Variants in COL23A1 observed in about 807,000 individuals in gnomAD.
COL23A1 encodes collagen type XXIII alpha 1 chain.
In COL23A1, 97 loss-of-function variants were observed where a neutral mutation model predicts 99.3. The observed-to-expected ratio is 0.98, with a 90% CI of 0.83 to 1.16. COL23A1 has a LOEUF of 1.16. Ranked by LOEUF, COL23A1 falls within the 50% of genes most tolerant of loss-of-function variation. The pLI is 0.00. For synonymous variants in COL23A1, 320 were observed against 308.2 expected, an observed-to-expected ratio of 1.04 and a Z score of -0.40; for missense variants, 762 against 757.4, an observed-to-expected ratio of 1.01 and a Z score of -0.07.
chr5:178,238,431 C>T lies in COL23A1; in HGVS notation c.*267G>A, dbSNP rs182297389. On this transcript the variant is annotated 3_prime_UTR_variant, in exon 29 of 29. Coordinates refer to ENST00000390654, the MANE Select transcript of COL23A1 (RefSeq NM_173465.4). The stretch of plus-strand genomic sequence containing the variant: ...AACGTAGCATCTTTCTAGCCTTGCC[C>T]GAGCCAGGTGCTTCTACCTTCATCT... The T allele has an allele frequency of 1.1e-4, 58 of 528,772 alleles. No homozygotes were observed. Among genetic ancestry groups the T allele is most frequent in the Admixed American group, 3.2e-4 (10 of 31,028 alleles). The allele number at this position is 528,772 out of a possible 1,614,324, so 32.8% of individuals were successfully genotyped here.
chr5:178,311,452 T>A lies in COL23A1; in HGVS notation c.362-4533A>T, dbSNP rs113892028. ...TGCAGGGGCCTCTGGGCCATCACAATGCGGGGCTTTAATGTAAGTGGGTTC... is the reference window on the plus strand; with the variant it reads ...TGCAGGGGCCTCTGGGCCATCACAAAGCGGGGCTTTAATGTAAGTGGGTTC... On this transcript the variant is annotated intron_variant, in intron 2 of 28. Transcript: ENST00000390654. Among the ~76,000 whole-genome samples, 169 of 152,002 alleles carry A rather than the reference T, an allele frequency of 1.1e-3. 1 individual carries two copies. The highest frequency in any genetic ancestry group is 3.8e-3 in the African/African-American group (158 of 41,392).
rs562877997 is a variant in COL23A1 at position 178,384,607 on chromosome 5, C to T, written c.362-77688G>A. On this transcript the variant is annotated intron_variant, in intron 2 of 28. Transcript: ENST00000390654. This position sits in a 1 kb window ranked among gnomAD's most constrained non-coding sequence, Gnocchi z 5.5. ...GATTCTGCTCCTGCCTCAGAGATCACGGTTTGACATGGGAAACCAAGGCTC... is the reference window on the plus strand; with the variant it reads ...GATTCTGCTCCTGCCTCAGAGATCATGGTTTGACATGGGAAACCAAGGCTC... Among the ~76,000 whole-genome samples, 33 of 152,294 alleles carry T rather than the reference C, an allele frequency of 2.2e-4. No homozygotes were observed. The highest frequency in any genetic ancestry group is 7.2e-4 in the African/African-American group (30 of 41,570).
rs563613105 is a variant in COL23A1 at position 178,553,107 on chromosome 5, T to C, written c.361+7575A>G. On this transcript the variant is annotated intron_variant, in intron 2 of 28. Transcript: ENST00000390654. ...ATCACTTGAGCTCAGGAGTTCAAGG[T>C]TGCAGTGAACCGTGACTGCACCACT... 8.6e-5 allele frequency among the ~76,000 whole-genome samples: 13 copies of C among 150,686 alleles called. 1 individual carries two copies. The South Asian group carries it at 2.7e-3, about 32-fold the overall frequency.
At chr5:178,261,199 G>C (rs1227940947) in intron 11 of COL23A1, among the ~76,000 whole-genome samples, 6 of 152,148 alleles carry the variant, frequency 3.9e-5, no homozygotes, top group Non-Finnish European at 8.8e-5. Flanking sequence ...GATAACCTGA[G>C]GTCAGGAGTT....
intron 2 of COL23A1, among the ~76,000 whole-genome samples, chr5:178,400,631 C>T (rs1454066441): frequency 6.6e-6 from 1 of 150,574 alleles, no homozygotes; most frequent in African/African-American, 2.4e-5. Context: ...GCAACCATCA[C>T]CACCATCCAT....
intron 5 of COL23A1, among the ~76,000 whole-genome samples, chr5:178,271,949 G>A (rs572196157): frequency 6.6e-6 from 1 of 152,294 alleles, no homozygotes; most frequent in South Asian, 2.1e-4. Flanking sequence ...TGGCCTTCAC[G>A]CAGCCTTCGC....
At chr5:178,323,303 C>G (rs1561860921) in intron 2 of COL23A1, among the ~76,000 whole-genome samples, 2 of 152,240 alleles carry the variant, frequency 1.3e-5, no homozygotes, top group East Asian at 3.9e-4. Context: ...CTTTCCAGAC[C>G]CATTTCATTG....
chr5:178,255,130 A>G lies in COL23A1; in HGVS notation c.883-104T>C. ...ACATCCAGAGAGAAAGCAATGGAAG[A>G]GCCTCGTCACCCAGGCTGCACGCAT... On this transcript the variant is annotated intron_variant, in intron 15 of 28. Transcript: ENST00000390654. This position sits in a 1 kb window ranked among gnomAD's most constrained non-coding sequence, Gnocchi z 4.2. The G allele has an allele frequency of 2.1e-6, 2 of 968,050 alleles. No homozygotes were observed. The highest frequency in any genetic ancestry group is 3.3e-6 in the Non-Finnish European group (2 of 610,826). The allele number at this position is 968,050 out of a possible 1,614,324, so 60.0% of individuals were successfully genotyped here.
intron 2 of COL23A1, among the ~76,000 whole-genome samples, chr5:178,380,052 T>A (rs375213850): frequency 6.6e-6 from 1 of 152,190 alleles, no homozygotes; most frequent in Non-Finnish European, 1.5e-5. Context: ...CCTGAACCGA[T>A]GCTGCCTCCA....
At position 178,306,978 on chromosome 5, in the gene COL23A1, T is replaced by G. The variant is rs1581122760; in HGVS notation, c.362-59A>C. ...AGGGAAGCCAGTGGACTTGGCTGCG[T>G]GGGGCATGCCCCAGCCACCCACCTG... is the stretch of plus-strand genomic sequence containing the variant. On this transcript the variant is annotated intron_variant, in intron 2 of 28. Transcript: ENST00000390654. The surrounding 1 kb of genome is among the most constrained non-coding windows in gnomAD (Gnocchi z 4.1). 7.7e-7 allele frequency: 1 copy of G among 1,302,474 alleles called. No individual in the cohort carries two copies. Among genetic ancestry groups the G allele is most frequent in the Non-Finnish European group, 1.0e-6 (1 of 978,428 alleles). The allele number at this position is 1,302,474 out of a possible 1,614,324, so 80.7% of individuals were successfully genotyped here.
At chr5:178,379,353 ACT>A (rs1227988672) in intron 2 of COL23A1, among the ~76,000 whole-genome samples, 1 of 151,886 alleles carries the variant, frequency 6.6e-6, no homozygotes, top group African/African-American at 2.4e-5. Context: ...ACTAAACAAA[ACT>A]CTCTACGTGC....
chr5:178,389,217 G>C lies in COL23A1; in HGVS notation c.362-82298C>G, dbSNP rs1763831546. ...TGTGTGGCTTTACAAAATTTTTGCTGCCTGGAAGCGGCTTTCCTTTTCCTC... is the reference window on the plus strand; with the variant it reads ...TGTGTGGCTTTACAAAATTTTTGCTCCCTGGAAGCGGCTTTCCTTTTCCTC... On this transcript the variant is annotated intron_variant, in intron 2 of 28. Coordinates refer to ENST00000390654, the MANE Select transcript of COL23A1 (RefSeq NM_173465.4). Among the ~76,000 whole-genome samples, 4 of 151,880 alleles carry C rather than the reference G, an allele frequency of 2.6e-5. No individual in the cohort carries two copies. In the South Asian group the frequency reaches 8.3e-4, roughly 32 times the overall value.
chr5:178,410,533 A>C (rs1303062079), intron 2 of COL23A1, among the ~76,000 whole-genome samples: 1 of 152,248 alleles, frequency 6.6e-6, no homozygotes, highest in African/African-American at 2.4e-5. Flanking sequence ...ATATAGACCA[A>C]TGGATAAATT....
At chr5:178,443,082 G>A (rs1222569632) in intron 2 of COL23A1, 2 of 152,330 alleles carry the variant, frequency 1.3e-5, no homozygotes, top group African/African-American at 4.8e-5. Context: ...CTTCATTTGA[G>A]CTCTGTGGCC....
At chr5:178,274,176 C>G (rs1756453138) in intron 5 of COL23A1, among the ~76,000 whole-genome samples, 2 of 152,250 alleles carry the variant, frequency 1.3e-5, no homozygotes, top group South Asian at 4.1e-4. Context: ...AAGGACAGTG[C>G]TCCTTCCACC....
intron 2 of COL23A1, among the ~76,000 whole-genome samples, chr5:178,494,804 TCAC>T (rs1310212360): frequency 6.6e-6 from 1 of 152,130 alleles, no homozygotes; most frequent in Non-Finnish European, 1.5e-5. Flanking sequence ...CCTCTGTTAG[TCAC>T]AGCAGTTGCC....
rs377014593 is a variant in COL23A1, at chr5:178,257,529, C to T, written c.768G>A (p.Gly256=). 137 of 1,565,806 alleles carry T rather than the reference C, an allele frequency of 8.7e-5. 3 individuals carry two copies. In the South Asian group the frequency reaches 1.4e-3, roughly 16 times the overall value. The stretch of plus-strand genomic sequence containing the variant: ...AGGAGGGGCAGATACTCACCTTGGG[C>T]CCTGGTGGTCCAGGCTGGCTTGGTG... ...DGTPSQPGPP[G]PKGEPGSMGP... Residue 256 remains glycine, a synonymous_variant, in exon 13 of 29, where the codon GGG becomes GGA. Coordinates refer to ENST00000390654, the MANE Select transcript of COL23A1 (RefSeq NM_173465.4).
intron 2 of COL23A1, among the ~76,000 whole-genome samples, chr5:178,542,131 C>T (rs1761324082): frequency 2.0e-5 from 3 of 152,222 alleles, no homozygotes. Flanking sequence ...TCAAGCAGTT[C>T]TCGAGCCTCA....
At chr5:178,311,507 CGCGT>C (rs1218970723) in intron 2 of COL23A1, among the ~76,000 whole-genome samples, 1 of 26,062 alleles carries the variant, frequency 3.8e-5, no homozygotes, top group African/African-American at 7.6e-5. Context: ...TGTGTGTGTG[CGCGT>C]GTGTGTGTGT....
Sources: gnomAD v4.1 joint callset for allele counts (sites outside exome capture counted in the v4.1 genomes callset) on GRCh38, gnomAD v4.1.1 for gene constraint, Gnocchi (gnomAD v3.1) non-coding constraint, MANE v1.5 for transcripts, NCBI Gene and HGNC (gene_info 2026-07-23, HGNC 2026-07-21) for gene names.